DLG1: variants seen among roughly 807,000 people sequenced by gnomAD.
The protein encoded by DLG1 is discs large MAGUK scaffold protein 1.
A neutral mutation model predicts 123.4 loss-of-function variants in DLG1; 42 were observed. The observed-to-expected ratio is 0.34, with a 90% CI of 0.27 to 0.44. The LOEUF (loss-of-function observed/expected upper bound fraction) is 0.44. DLG1 is among the 20% of genes least tolerant of loss of function. The pLI, the probability that DLG1 is intolerant of heterozygous loss-of-function variation, is 1.00. For missense variants in DLG1, 942 were observed against 1,082.6 expected (o/e 0.87, Z 1.82); for synonymous variants, 317 against 356.2 (o/e 0.89, Z 1.24).
intron 5 of DLG1, among the ~76,000 whole-genome samples, chr3:197,150,022 A>C (rs1160393639): frequency 1.3e-5 from 2 of 152,200 alleles, no homozygotes; most frequent in Admixed American, 6.5e-5. Context: ...ATTTCTGCTA[A>C]AGCAGCCATG....
At chr3:197,085,900 C>T (rs112117690) in intron 15 of DLG1, 144 bp from the exon 16 acceptor site, 14 of 603,476 alleles carry the variant, frequency 2.3e-5, no homozygotes, top group African/African-American at 1.5e-4. Flanking sequence ...GCACTGCATA[C>T]AAGATAAGAC....
chr3:197,125,021 T>C (rs1223211885), intron 11 of DLG1, among the ~76,000 whole-genome samples: 2 of 152,170 alleles, frequency 1.3e-5, no homozygotes, highest in Admixed American at 6.5e-5. Context: ...ATGGAAGACC[T>C]GGTTTTCAAC....
At chr3:197,059,696 T>C (rs575858300) in intron 23 of DLG1, among the ~76,000 whole-genome samples, 193 bp downstream of exon 23, 1 of 150,646 alleles carries the variant, frequency 6.6e-6, no homozygotes, top group South Asian at 2.1e-4. Context: ...TTAGTAATAT[T>C]AATGATGATG....
chr3:197,100,570 T>TA (rs1762915250), intron 14 of DLG1, among the ~76,000 whole-genome samples: 1 of 152,220 alleles, frequency 6.6e-6, no homozygotes, highest in Non-Finnish European at 1.5e-5. Context: ...AAGATTGAGA[T>TA]ATAAGCTCTG....
At chr3:197,104,600 T>G (rs1489403090) in intron 14 of DLG1, among the ~76,000 whole-genome samples, 1 of 152,092 alleles carries the variant, frequency 6.6e-6, no homozygotes, top group Admixed American at 6.6e-5. Flanking sequence ...GAGAATCACT[T>G]GAACCTGGGA....
intron 4 of DLG1, among the ~76,000 whole-genome samples, chr3:197,203,032 G>A (rs930309907): frequency 6.6e-6 from 1 of 152,194 alleles, no homozygotes; most frequent in African/African-American, 2.4e-5. Context: ...CAGCACTTTG[G>A]AAGGCTGAGG....
chr3:197,135,636 T>C (rs971601116), intron 10 of DLG1, among the ~76,000 whole-genome samples: 2 of 152,180 alleles, frequency 1.3e-5, no homozygotes, highest in African/African-American at 4.8e-5. Context: ...TGGAATAGTA[T>C]GTAGAGATAA....
chr3:197,054,487 T>A (rs1368571407), intron 23 of DLG1, among the ~76,000 whole-genome samples: 2 of 152,210 alleles, frequency 1.3e-5, no homozygotes, highest in African/African-American at 2.4e-5. Context: ...TTAAAACTTG[T>A]TGATTCTTTC....
chr3:197,221,842 A>G (rs1406698675), intron 4 of DLG1, among the ~76,000 whole-genome samples: 1 of 152,196 alleles, frequency 6.6e-6, no homozygotes. Context: ...ATCCTTTGGT[A>G]TCTGTGGGGG....
chr3:197,200,337 A>C (rs1295280891), intron 4 of DLG1, among the ~76,000 whole-genome samples: 1 of 152,188 alleles, frequency 6.6e-6, no homozygotes, highest in East Asian at 1.9e-4. Flanking sequence ...AATTTAAAAG[A>C]AATATTTGGT....
chr3:197,214,341 G>A (rs138897268), intron 4 of DLG1, among the ~76,000 whole-genome samples: 2 of 152,090 alleles, frequency 1.3e-5, no homozygotes, highest in African/African-American at 2.4e-5. Flanking sequence ...TTGGGAGGCC[G>A]AGGTGGGAGG....
chr3:197,056,367 C>T (rs1024980620), intron 23 of DLG1, among the ~76,000 whole-genome samples: 3 of 152,162 alleles, frequency 2.0e-5, no homozygotes, highest in African/African-American at 7.2e-5. Context: ...ATTCAATTTG[C>T]TCCTATTTTG....
intron 4 of DLG1, among the ~76,000 whole-genome samples, chr3:197,215,843 G>A (rs1352000947): frequency 6.6e-6 from 1 of 152,098 alleles, no homozygotes; most frequent in East Asian, 1.9e-4. Flanking sequence ...AGAGCAAACA[G>A]GGGACTTCTA....
intron 4 of DLG1, among the ~76,000 whole-genome samples, chr3:197,227,361 G>C (rs1045768804): frequency 2.0e-5 from 3 of 151,984 alleles, no homozygotes; most frequent in Non-Finnish European, 4.4e-5. Context: ...TGTAGTCCCA[G>C]CTACTTGGGG....
rs572616615 is a variant in DLG1, at chr3:197,208,023, T to C, written c.319-13434A>G. Among the ~76,000 whole-genome samples the C allele has an allele frequency of 8.3e-5, 12 of 144,950 alleles. 1 individual carries two copies. The highest frequency in any genetic ancestry group is 2.4e-4 in the African/African-American group (10 of 40,968). On this transcript the variant is annotated intron_variant, in intron 4 of 24. Coordinates refer to ENST00000667157, the MANE Select transcript of DLG1 (RefSeq NM_001366207.1). ...CCAAAGGACTAATTTCACAAACACA[T>C]TTAAAAACTTCTTAGTCCCTAAGAA...
chr3:197,278,653 C>G (rs926834982), intron 4 of DLG1, among the ~76,000 whole-genome samples: 2 of 150,718 alleles, frequency 1.3e-5, no homozygotes, highest in African/African-American at 4.9e-5. Context: ...TTTAAATTTA[C>G]TACATCAGAA....
At chr3:197,063,888 T>C (rs527709899) in intron 22 of DLG1, among the ~76,000 whole-genome samples, 52 of 151,912 alleles carry the variant, frequency 3.4e-4, no homozygotes, top group Admixed American at 1.6e-3. Context: ...CTGAATCTGA[T>C]AGGGGAGAAA....
rs917983684 is a variant in DLG1, at chr3:197,065,913, T to G, written c.2099-104A>C. On this transcript the variant is annotated intron_variant, in intron 20 of 24. Transcript: ENST00000667157. ...ATATCCTTAACTGTTATGACTAATTTTTTTCTTCCCTCTCCATCTCACTCT... is the reference window on the plus strand; with the variant it reads ...ATATCCTTAACTGTTATGACTAATTGTTTTCTTCCCTCTCCATCTCACTCT... 12 of 691,334 alleles carry G rather than the reference T, an allele frequency of 1.7e-5. No individual in the cohort carries two copies. The African/African-American group carries it at 2.0e-4, about 12-fold the overall frequency. 42.8% of individuals were successfully genotyped at this position (691,334 alleles called of 1,614,324 possible).
chr3:197,147,572 T>C (rs112236293), intron 6 of DLG1, among the ~76,000 whole-genome samples: 18,745 of 151,968 alleles, frequency 0.12, 1,226 homozygotes, highest in Middle Eastern at 0.15. Context: ...AACTCAGGAA[T>C]GGAAAACCAA....
Sources: gnomAD v4.1 joint callset for allele counts (sites outside exome capture counted in the v4.1 genomes callset) on GRCh38, gnomAD v4.1.1 for gene constraint, MANE v1.5 for transcripts, NCBI Gene and HGNC (gene_info 2026-07-23, HGNC 2026-07-21) for gene names.